Variants in PAK6 observed in about 807,000 individuals in gnomAD.
PAK6 encodes p21 (RAC1) activated kinase 6.
PAK6 carries 33 observed loss-of-function variants against 60.8 expected under a neutral mutation model. That is an observed-to-expected ratio of 0.54 (90% confidence interval 0.41 to 0.73). PAK6 has a LOEUF of 0.73. PAK6 is among the 30% of genes least tolerant of loss of function. The pLI is 0.00. For missense variants in PAK6, 845 were observed against 904.1 expected (o/e 0.93, Z 0.84); for synonymous variants, 404 against 378.5 (o/e 1.07, Z -0.78).
At chr15:40,264,830 A>G (rs752093399) in exon 4 of PAK6, 11 of 1,614,006 alleles carry the variant, frequency 6.8e-6, no homozygotes, top group East Asian at 2.2e-5. Flanking sequence ...TCTCAGCGCC[A>G]CAGAACTTCC....
At chr15:40,272,025 G>A (rs72731478) in intron 5 of PAK6, among the ~76,000 whole-genome samples, 199 bp from the exon 6 acceptor site, 14,387 of 152,232 alleles carry the variant, frequency 0.095, 863 homozygotes, top group South Asian at 0.15. Context: ...GGTGCCCTGC[G>A]GGGGACTGCT....
chr15:40,272,566 G>C (rs773980926), exon 6 of PAK6: 1 of 1,613,482 alleles, frequency 6.2e-7, no homozygotes, highest in Non-Finnish European at 8.5e-7. Flanking sequence ...GGTGGACCAG[G>C]GTGACCCCCG....
At position 40,264,762 on chromosome 15, in the gene PAK6, C is replaced by T. The variant is rs766873855; in HGVS notation, c.-5-19C>T. The T allele has an allele frequency of 6.2e-7, 1 of 1,611,636 alleles. No individual in the cohort carries two copies. Among genetic ancestry groups the T allele is most frequent in the Non-Finnish European group, 8.5e-7 (1 of 1,178,612 alleles). On this transcript the variant is annotated intron_variant, in intron 3 of 10. Coordinates refer to ENST00000560346, the Ensembl canonical transcript of PAK6. ...CCCTCTTTCCCGGGAGGGAGCTCAACCTTACTCTGCACTTACAGGCACCAT... is the reference window on the plus strand; with the variant it reads ...CCCTCTTTCCCGGGAGGGAGCTCAATCTTACTCTGCACTTACAGGCACCAT...
At chr15:40,252,128 G>T in intron 2 of PAK6, 1 of 446,370 alleles carries the variant, frequency 2.2e-6, no homozygotes, top group Non-Finnish European at 3.7e-6. Flanking sequence ...ACATGGGACA[G>T]ATCATCCAAG....
chr15:40,261,100 G>C (rs1047935900), intron 3 of PAK6, among the ~76,000 whole-genome samples: 11 of 151,862 alleles, frequency 7.2e-5, no homozygotes, highest in Non-Finnish European at 1.6e-4. Flanking sequence ...GTGTTAGCCA[G>C]GATGATCTCT....
chr15:40,246,061 A>T (rs538420263), intron 2 of PAK6: 66 of 152,454 alleles, frequency 4.3e-4, no homozygotes, highest in Admixed American at 3.8e-3. Context: ...CTTTGCACAC[A>T]GCACCCAGGC....
intron 2 of PAK6, among the ~76,000 whole-genome samples, chr15:40,248,645 C>G (rs1038015938): frequency 1.3e-5 from 2 of 152,212 alleles, no homozygotes; most frequent in South Asian, 4.1e-4. Context: ...AGTGGGGGAA[C>G]CTGAGGGCCC....
exon 10 of PAK6, chr15:40,274,189 G>C (rs757680949): frequency 6.2e-7 from 1 of 1,613,970 alleles, no homozygotes; most frequent in Non-Finnish European, 8.5e-7. Context: ...TGGTAGATGG[G>C]GAGCCACCGT....
At chr15:40,259,933 T>C (rs959382490) in intron 3 of PAK6, 2 of 152,120 alleles carry the variant, frequency 1.3e-5, no homozygotes, top group Admixed American at 6.6e-5. Flanking sequence ...AATATGTTGA[T>C]GTATTTCCTT....
intron 3 of PAK6, chr15:40,263,666 G>T (rs1276917409): frequency 3.2e-6 from 1 of 308,244 alleles, no homozygotes; most frequent in East Asian, 8.1e-5. Flanking sequence ...CCAGGCTGGA[G>T]TGCAGTGGGG....
chr15:40,250,035 G>GC (rs2038619244), intron 2 of PAK6, among the ~76,000 whole-genome samples: 1 of 152,266 alleles, frequency 6.6e-6, no homozygotes, highest in Non-Finnish European at 1.5e-5. Context: ...TGTGCCTGGA[G>GC]CCCCCTGTGC....
chr15:40,266,427 A>G (rs1449817721), exon 5 of PAK6: 1 of 1,613,210 alleles, frequency 6.2e-7, no homozygotes, highest in Non-Finnish European at 8.5e-7. Context: ...ATTCCGAAGC[A>G]TGTTCCTGTC....
intron 3 of PAK6, 108 bp from the exon 4 acceptor site, chr15:40,264,673 G>C (rs1161494049): frequency 4.6e-6 from 4 of 873,710 alleles, no homozygotes; most frequent in Non-Finnish European, 7.4e-6. Flanking sequence ...AGGCTTCTAG[G>C]GGAGCTGTGC....
chr15:40,247,671 C>T (rs554443489), intron 2 of PAK6, among the ~76,000 whole-genome samples: 1 of 152,284 alleles, frequency 6.6e-6, no homozygotes, highest in African/African-American at 2.4e-5. Context: ...CCCAGGGTAT[C>T]AGCAGGGCAC....
rs2140978803 is a variant in PAK6, at chr15:40,264,990, G to A, written c.204+1G>A. 6.2e-7 allele frequency: 1 copy of A among 1,612,260 alleles called. No homozygotes were observed. The highest frequency in any genetic ancestry group is 8.5e-7 in the Non-Finnish European group (1 of 1,179,336). The stretch of plus-strand genomic sequence containing the variant: ...ACGGGTGCAGCTCCAGCCCATGAAG[G>A]TAAGAGGGGCCGGCAGGGATGAGGT... On this transcript the variant is annotated splice_donor_variant, in intron 4 of 10. Transcript: ENST00000560346. LOFTEE classifies it high-confidence loss of function.
At chr15:40,247,624 G>A (rs989020504) in intron 2 of PAK6, among the ~76,000 whole-genome samples, 1 of 152,184 alleles carries the variant, frequency 6.6e-6, no homozygotes, top group African/African-American at 2.4e-5. Context: ...TGAGGGAAAG[G>A]CAGGCAGAGA....
At chr15:40,263,408 C>G (rs144555230) in intron 3 of PAK6, among the ~76,000 whole-genome samples, 3 of 152,272 alleles carry the variant, frequency 2.0e-5, no homozygotes, top group Admixed American at 1.3e-4. Context: ...AACATGTGAT[C>G]CCAGGTCCGG....
exon 11 of PAK6, chr15:40,276,030 C>T (rs2039446769): frequency 1.2e-6 from 2 of 1,613,662 alleles, no homozygotes; most frequent in African/African-American, 2.7e-5. Context: ...CTGCTGCAGA[C>T]AGGGCTACCT....
At chr15:40,265,389 T>C (rs1322348080) in intron 4 of PAK6, among the ~76,000 whole-genome samples, 1 of 152,162 alleles carries the variant, frequency 6.6e-6, no homozygotes, top group Non-Finnish European at 1.5e-5. Flanking sequence ...AAGAGCCTGG[T>C]AGAAGGTGGG....
Sources: allele counts gnomAD v4.1 joint callset (sites outside exome capture counted in the v4.1 genomes callset), GRCh38; gene constraint gnomAD v4.1.1; transcripts MANE v1.5; gene names NCBI Gene and HGNC (gene_info 2026-07-23, HGNC 2026-07-21).